The following EPS8L3 variants were observed in gnomAD, a reference collection of about 807,000 sequenced individuals.
EPS8L3 encodes EPS8 signaling adaptor L3, also known as epidermal growth factor receptor kinase substrate 8-like protein 3.
EPS8L3 carries 80 observed loss-of-function variants against 88.5 expected under a neutral mutation model. The observed-to-expected ratio is 0.90, with a 90% CI of 0.75 to 1.09. EPS8L3 has a LOEUF of 1.09. EPS8L3 is among the 50% of genes least tolerant of loss of function. EPS8L3 has a pLI of 0.00. For synonymous variants in EPS8L3, 286 were observed against 291.0 expected, an observed-to-expected ratio of 0.98 and a Z score of 0.18; for missense variants, 721 against 735.2, an observed-to-expected ratio of 0.98 and a Z score of 0.22.
chr1:109,752,454 A>G (rs1414295724), intron 14 of EPS8L3: 4 of 601,786 alleles, frequency 6.6e-6, no homozygotes, highest in Non-Finnish European at 1.2e-5. Flanking sequence ...ATACTTGAGT[A>G]TGGGAAATCA....
chr1:109,750,713 G>A lies in EPS8L3; in HGVS notation c.1717C>T (p.Gln573Ter). ...CGGGACAGGATTCGTGGGGCCTCCT[G>A]TGGACATAGCATCTGTAGCTCCCCA... ...RPGELQMLCP[Q>*]EAPRILSRLE... Residue 573 changes from glutamine (Q) to a stop codon, truncating the protein, a stop_gained, in exon 18 of 19, where the codon CAG becomes TAG. Coordinates refer to ENST00000361965, the MANE Select transcript of EPS8L3 (RefSeq NM_133181.4). LOFTEE classifies it high-confidence loss of function. 6.2e-7 allele frequency: 1 copy of A among 1,614,236 alleles called. No homozygotes were observed. The highest frequency in any genetic ancestry group is 1.1e-5 in the South Asian group (1 of 91,086).
chr1:109,760,726 C>G (rs116824405), intron 3 of EPS8L3, among the ~76,000 whole-genome samples: 1,615 of 152,196 alleles, frequency 0.011, 35 homozygotes, highest in African/African-American at 0.037. Context: ...ACCTGCTGCC[C>G]TGTGGGACCT....
At chr1:109,757,667 A>G (rs918896910) in intron 10 of EPS8L3, 112 bp from the exon 11 acceptor site, 2 of 1,402,996 alleles carry the variant, frequency 1.4e-6, no homozygotes. Context: ...CAAAAGTCCC[A>G]AGAGGGGAGG....
chr1:109,752,711 C>T lies in EPS8L3; in HGVS notation c.1210G>A (p.Gly404Arg). The T allele has an allele frequency of 6.4e-7, 1 of 1,552,120 alleles. No homozygotes were observed. The part of the protein sequence containing the change: ...LPEPSSQAPL[G>R]YQDPVSLRRG... ...CGAAGGGAAACAGGGTCCTGGTATCCTAAGGGTGCCTGTAAGGGACAGAAC... is the reference window on the plus strand; with the variant it reads ...CGAAGGGAAACAGGGTCCTGGTATCTTAAGGGTGCCTGTAAGGGACAGAAC... The change falls in exon 14 of 19, where the codon GGA becomes AGA. Residue 404 changes from glycine (G) to arginine (R), a missense_variant. By Grantham distance (125) the Gly-to-Arg change is moderately radical. Coordinates refer to ENST00000361965, the MANE Select transcript of EPS8L3 (RefSeq NM_133181.4).
At chr1:109,756,527 G>T (rs555236315) in intron 12 of EPS8L3, among the ~76,000 whole-genome samples, 2 of 144,996 alleles carry the variant, frequency 1.4e-5, no homozygotes, top group Non-Finnish European at 3.1e-5. Context: ...ATGAGCCACC[G>T]CACTGGCCCT....
chr1:109,754,142 T>G (rs914775163), intron 12 of EPS8L3, among the ~76,000 whole-genome samples: 2 of 152,248 alleles, frequency 1.3e-5, no homozygotes, highest in African/African-American at 4.8e-5. Context: ...ATCCTATTAC[T>G]TTCTTCTTAC....
In EPS8L3 at chr1:109,759,462, T is replaced by A. The variant is rs1570700023; in HGVS notation, c.256-75A>T. The A allele has an allele frequency of 6.3e-7, 1 of 1,577,400 alleles. No homozygotes were observed. The highest frequency in any genetic ancestry group is 1.2e-5 in the South Asian group (1 of 83,318). On this transcript the variant is annotated intron_variant, in intron 4 of 18. Transcript: ENST00000361965. The surrounding 1 kb of genome is among the most constrained non-coding windows in gnomAD (Gnocchi z 4.2). ...CTTCTGGGAGCTCCTGACCAGCTCATCCTAGCCCTTTGGTGGCCTAGGGCT... is the reference window on the plus strand; with the variant it reads ...CTTCTGGGAGCTCCTGACCAGCTCAACCTAGCCCTTTGGTGGCCTAGGGCT...
chr1:109,750,871 C>T (rs1006880771), intron 17 of EPS8L3, 79 bp from the exon 18 acceptor site: 25 of 1,559,744 alleles, frequency 1.6e-5, no homozygotes, highest in Middle Eastern at 1.7e-4. Flanking sequence ...AGACAGGGCT[C>T]TTTGGGCTCG....
chr1:109,750,558 C>T lies in EPS8L3; in HGVS notation c.1770+102G>A. 3 of 1,593,178 alleles carry T rather than the reference C, an allele frequency of 1.9e-6. No homozygotes were observed. The East Asian group carries it at 6.7e-5, about 36-fold the overall frequency. ...TGCCCAGCACCCGCCACACTCAGTT[C>T]TGCCCCAGGGCTGGGCCTGCAGGCT... On this transcript the variant is annotated intron_variant, in intron 18 of 18. Transcript: ENST00000361965.
rs1649669833 is a variant in EPS8L3 at position 109,750,416 on chromosome 1, A to G, written c.1771-14T>C. ...CTAAGGGCTTATCTGAGGAAAGACA[A>G]AGATTCAGATGAGGCTGATGGCAGG... On this transcript the variant is annotated splice_polypyrimidine_tract_variant and intron_variant, in intron 18 of 18. Transcript: ENST00000361965. The G allele has an allele frequency of 6.2e-7, 1 of 1,613,502 alleles. No homozygotes were observed. The highest frequency in any genetic ancestry group is 1.7e-5 in the Admixed American group (1 of 59,942).
chr1:109,756,873 G>A (rs930139526), intron 12 of EPS8L3, 144 bp downstream of exon 12: 5 of 989,672 alleles, frequency 5.1e-6, no homozygotes, highest in Non-Finnish European at 7.6e-6. Context: ...CAAATAAAAA[G>A]TTGGGAACTC....
intron 17 of EPS8L3, 43 bp downstream of exon 17, chr1:109,751,235 T>C (rs746546230): frequency 1.3e-6 from 2 of 1,582,100 alleles, no homozygotes; most frequent in East Asian, 4.5e-5. Context: ...GTTAGCCCTT[T>C]ACAAAGTTTC....
At chr1:109,757,644 G>T (rs1051640515) in intron 10 of EPS8L3, 89 bp from the exon 11 acceptor site, 1 of 1,440,232 alleles carries the variant, frequency 6.9e-7, no homozygotes, top group Non-Finnish European at 9.7e-7. Context: ...TTGGCTGGAA[G>T]GCTGGCACTT....
rs766977517 is a variant in EPS8L3, at chr1:109,757,828, T to G, written c.868A>C (p.Lys290Gln). The change falls in exon 10 of 19, where the codon AAG becomes CAG. Residue 290 changes from lysine (K) to glutamine (Q), a missense_variant. By Grantham distance (53) the Lys-to-Gln change is moderately conservative (BLOSUM62 1). Transcript: ENST00000361965. ...TQAQYIDCFQ[K>Q]IKHSFNLLGR... ...AGGAGGTTGAAGCTGTGCTTGATCT[T>G]CTGGAAGCAGTCAATGTACTGTGCC... 6.2e-6 allele frequency: 10 copies of G among 1,614,012 alleles called. No homozygotes were observed. The South Asian group carries it at 9.9e-5, about 16-fold the overall frequency.
In EPS8L3 at chr1:109,758,567, C is replaced by T. The variant is rs776998568; in HGVS notation, c.558G>A (p.Pro186=). ...LPMEQARYLE[P]GIPPEQPHQR... is the part of the protein sequence containing the mutation. ...GGTGGGGCTGTTCTGGAGGGATCCC[C>T]GGCTCCAGATAGCGTGCCTGCTCCA... Residue 186 remains proline (P), a synonymous_variant, in exon 7 of 19, where the codon CCG becomes CCA. Transcript: ENST00000361965. 14 of 1,612,894 alleles carry T rather than the reference C, an allele frequency of 8.7e-6. No individual in the cohort carries two copies. The highest frequency in any genetic ancestry group is 4.0e-5 in the African/African-American group (3 of 74,920).
chr1:109,762,592 T>C (rs1277938069), intron 1 of EPS8L3, among the ~76,000 whole-genome samples: 3 of 151,700 alleles, frequency 2.0e-5, no homozygotes, highest in Admixed American at 6.6e-5. Flanking sequence ...CTTACCAACA[T>C]CCTATCAGTT....
chr1:109,758,114 C>T, intron 8 of EPS8L3, 56 bp from the exon 9 acceptor site: 1 of 1,476,870 alleles, frequency 6.8e-7, no homozygotes, highest in African/African-American at 1.4e-5. Flanking sequence ...CCCTGGAACT[C>T]CCCACACTGC....
chr1:109,763,621 C>T (rs1651236888), intron 1 of EPS8L3, among the ~76,000 whole-genome samples: 1 of 152,190 alleles, frequency 6.6e-6, no homozygotes, highest in Non-Finnish European at 1.5e-5. Flanking sequence ...AGAGGCCCTT[C>T]CGGAGCCTGG....
rs767621623 is a variant in EPS8L3, at chr1:109,761,519, G to A, written c.72C>T (p.Pro24=). The change falls in exon 3 of 19, where the codon CCC becomes CCT. Residue 24 remains proline (P), a synonymous_variant. Transcript: ENST00000361965. ...KEYSQNLTSE[P]TLLQHRVEHL... ...CCTCCACCCTGTGCTGCAGGAGGGT[G>A]GGCTCTGAGGTGAGGTTCTGGGAGT... The A allele has an allele frequency of 6.2e-6, 10 of 1,613,296 alleles. No individual in the cohort carries two copies. Among genetic ancestry groups the A allele is most frequent in the Middle Eastern group, 1.6e-4 (1 of 6,078 alleles).
Sources: gnomAD v4.1 joint callset for allele counts (sites outside exome capture counted in the v4.1 genomes callset) on GRCh38, gnomAD v4.1.1 for gene constraint, Gnocchi (gnomAD v3.1) non-coding constraint, MANE v1.5 for transcripts, NCBI Gene and HGNC (gene_info 2026-07-23, HGNC 2026-07-21) for gene names.